BMP1: variants seen among roughly 807,000 people sequenced by gnomAD.
BMP1 encodes the protein mammalian tolloid protein.
BMP1 carries 63 observed loss-of-function variants against 116.8 expected under a neutral mutation model. That is an observed-to-expected ratio of 0.54 (90% CI 0.44 to 0.67). The LOEUF is 0.67. BMP1 is among the 30% of genes least tolerant of loss of function. The pLI, the probability that BMP1 is intolerant of heterozygous loss-of-function variation, is 0.00. For synonymous variants in BMP1, 536 were observed against 533.4 expected, an observed-to-expected ratio of 1.00 and a Z score of -0.07; for missense variants, 1,183 against 1,358.9, an observed-to-expected ratio of 0.87 and a Z score of 2.04.
At position 22,209,632 on chromosome 8, in the gene BMP1, C is replaced by T; in HGVS notation, c.2763C>T (p.Tyr921=). 6.2e-7 allele frequency: 1 copy of T among 1,614,180 alleles called. No individual in the cohort carries two copies. The highest frequency in any genetic ancestry group is 8.5e-7 in the Non-Finnish European group (1 of 1,179,998). Residue 921 remains tyrosine, a synonymous_variant, in exon 19 of 20, where the codon TAC becomes TAT. Coordinates refer to ENST00000306385, the MANE Select transcript of BMP1 (RefSeq NM_006129.5). ...AGGAGACCGACTGCGGCTATGACTACATGGAGCTCTTCGACGGCTACGACA... is the reference window on the plus strand; with the variant it reads ...AGGAGACCGACTGCGGCTATGACTATATGGAGCTCTTCGACGGCTACGACA... ...VEEETDCGYD[Y]MELFDGYDST...
chr8:22,202,401 G>A (rs1829283455), intron 16 of BMP1, among the ~76,000 whole-genome samples: 1 of 152,196 alleles, frequency 6.6e-6, no homozygotes, highest in Admixed American at 6.5e-5. Flanking sequence ...ACCCACCTCA[G>A]AGAGGCATTG....
chr8:22,177,330 C>T (rs776503075), intron 5 of BMP1, among the ~76,000 whole-genome samples, 191 bp downstream of exon 5: 12 of 152,322 alleles, frequency 7.9e-5, no homozygotes, highest in Middle Eastern at 3.4e-3. Flanking sequence ...ATCAAGGACC[C>T]GCATCCATTG....
intron 8 of BMP1, among the ~76,000 whole-genome samples, chr8:22,186,772 C>T (rs1466694635): frequency 6.6e-6 from 1 of 151,894 alleles, no homozygotes; most frequent in Non-Finnish European, 1.5e-5. Context: ...CCTGTTTCCC[C>T]AACTATAAAA....
intron 6 of BMP1, among the ~76,000 whole-genome samples, chr8:22,178,694 A>G (rs1828525490): frequency 6.6e-6 from 1 of 152,046 alleles, no homozygotes; most frequent in African/African-American, 2.4e-5. Context: ...TCTGAGGCCC[A>G]GGTCCCCAGA....
chr8:22,198,921 C>T, intron 15 of BMP1: 3 of 1,223,774 alleles, frequency 2.5e-6, no homozygotes, highest in Non-Finnish European at 3.1e-6. Context: ...GAGGTGCTCA[C>T]CAGAGGGTTG....
At chr8:22,191,460 G>A (rs896450212) in intron 8 of BMP1, among the ~76,000 whole-genome samples, 22 of 152,112 alleles carry the variant, frequency 1.4e-4, no homozygotes, top group Non-Finnish European at 2.2e-4. Context: ...TGATGGGGCC[G>A]GGCACAGTGA....
At chr8:22,180,980 C>G (rs578053152) in intron 8 of BMP1, among the ~76,000 whole-genome samples, 32 of 152,174 alleles carry the variant, frequency 2.1e-4, no homozygotes, top group Middle Eastern at 3.2e-3. Context: ...GCCAGGGGCT[C>G]CTGAAGGGCT....
Position 22,179,640 on chromosome 8 carries a change from A to G in BMP1, c.837-65A>G. 6.2e-7 allele frequency: 1 copy of G among 1,606,756 alleles called. No homozygotes were observed. The highest frequency in any genetic ancestry group is 8.5e-7 in the Non-Finnish European group (1 of 1,175,884). Reference sequence around the variant, plus strand: ...TCGTGACTTGTGGGTACAGATGGGCATGCCACCCACTCCCTGCCCACTGTC... The same window carrying G: ...TCGTGACTTGTGGGTACAGATGGGCGTGCCACCCACTCCCTGCCCACTGTC... On this transcript the variant is annotated intron_variant, in intron 6 of 19. Transcript: ENST00000306385. The surrounding 1 kb of genome is among the most constrained non-coding windows in gnomAD (Gnocchi z 4.6).
At chr8:22,169,184 GAAAA>G (rs5890026) in intron 1 of BMP1, among the ~76,000 whole-genome samples, 1 of 126,868 alleles carries the variant, frequency 7.9e-6, no homozygotes. Flanking sequence ...AAGACTCTGT[GAAAA>G]AAAAAAAAAA....
intron 8 of BMP1, among the ~76,000 whole-genome samples, chr8:22,187,123 C>T (rs987863395): frequency 1.3e-5 from 2 of 151,224 alleles, no homozygotes; most frequent in African/African-American, 2.4e-5. Flanking sequence ...CCCAAGTAAC[C>T]GGGACTACTG....
intron 8 of BMP1, among the ~76,000 whole-genome samples, chr8:22,183,046 G>C (rs557541383): frequency 6.6e-6 from 1 of 152,226 alleles, no homozygotes; most frequent in East Asian, 1.9e-4. Context: ...AGTAATTCTG[G>C]CTTCTCTCTT....
rs149174555 is a variant in BMP1, at chr8:22,180,450, C to T, written c.1044C>T (p.Cys348=). ...YPNGYSAHMH[C]VWRISVTPGE... ...ATGGCTACTCTGCTCACATGCACTG[C>T]GTGTGGCGCATCTCTGTCACACCCG... The change falls in exon 8 of 20, where the codon TGC becomes TGT. Residue 348 remains cysteine, a synonymous_variant. Coordinates refer to ENST00000306385, the MANE Select transcript of BMP1 (RefSeq NM_006129.5). 1.9e-4 allele frequency: 304 copies of T among 1,613,830 alleles called. 3 individuals are homozygous for T. The highest frequency in any genetic ancestry group is 4.7e-5 in the Non-Finnish European group (55 of 1,179,934).
chr8:22,200,989 T>TTCCCCCC, intron 15 of BMP1: 1 of 137,110 alleles, frequency 7.3e-6, no homozygotes, highest in South Asian at 5.5e-5. Flanking sequence ...CCGCCTGCCC[T>TTCCCCCC]CCCGCCCCAC....
intron 5 of BMP1, chr8:22,177,429 C>G: frequency 1.5e-6 from 1 of 662,192 alleles, no homozygotes; most frequent in Non-Finnish European, 2.7e-6. Context: ...GCATAGTGGG[C>G]CGTCCTGGGG....
chr8:22,197,191 AAG>A, intron 14 of BMP1, 47 bp from the exon 15 acceptor site: 2 of 1,587,546 alleles, frequency 1.3e-6, no homozygotes, highest in Non-Finnish European at 1.7e-6. Context: ...AGGAGTAGTC[AAG>A]AGAGGCTTCC....
chr8:22,177,740 G>T, intron 5 of BMP1, 112 bp from the exon 6 acceptor site: 1 of 871,474 alleles, frequency 1.1e-6, no homozygotes, highest in Non-Finnish European at 1.9e-6. Flanking sequence ...CAGGTAGGGG[G>T]ACTCTCTCAG....
Position 22,194,269 on chromosome 8 carries a change from G to T in BMP1, c.1297+95G>T. The T allele has an allele frequency of 6.8e-7, 1 of 1,473,290 alleles. No homozygotes were observed. Among genetic ancestry groups the T allele is most frequent in the Non-Finnish European group, 9.4e-7 (1 of 1,058,504 alleles). The allele number at this position is 1,473,290 out of a possible 1,614,324, so 91.3% of individuals were successfully genotyped here. On this transcript the variant is annotated intron_variant, in intron 10 of 19. Coordinates refer to ENST00000306385, the MANE Select transcript of BMP1 (RefSeq NM_006129.5). The surrounding 1 kb of genome is among the most constrained non-coding windows in gnomAD (Gnocchi z 4.5). The stretch of plus-strand genomic sequence containing the variant: ...CTGGCACCTGAGGGGCAAGATTGTG[G>T]GTTCCCAAGGGAAGAAGCAGAGAGA...
At chr8:22,195,368 G>A (rs1021362672) in intron 12 of BMP1, 94 bp from the exon 13 acceptor site, 2 of 1,472,328 alleles carry the variant, frequency 1.4e-6, no homozygotes, top group African/African-American at 1.4e-5. Flanking sequence ...GGGGAGCTGG[G>A]TGGGTCTTGG....
chr8:22,198,929 T>C lies in BMP1; in HGVS notation c.2107+1509T>C, dbSNP rs551101056. 4.8e-6 allele frequency: 6 copies of C among 1,239,826 alleles called. No individual in the cohort carries two copies. The Admixed American group carries it at 1.2e-4, about 24-fold the overall frequency. The allele number at this position is 1,239,826 out of a possible 1,614,324, so 76.8% of individuals were successfully genotyped here. A position where few individuals can be genotyped will look rare whatever the true frequency, so the allele number is the denominator to read the frequency against. On this transcript the variant is annotated intron_variant, in intron 15 of 19. Coordinates refer to ENST00000306385, the MANE Select transcript of BMP1 (RefSeq NM_006129.5). ...CTCCTAAGAGGTGCTCACCAGAGGG[T>C]TGAGAGGATGTAACACCCACTCGGG...
Sources: allele counts gnomAD v4.1 joint callset (sites outside exome capture counted in the v4.1 genomes callset), GRCh38; gene constraint gnomAD v4.1.1; non-coding constraint Gnocchi (gnomAD v3.1); transcripts MANE v1.5; gene names NCBI Gene and HGNC (gene_info 2026-07-23, HGNC 2026-07-21).